The following NCOA2 variants were observed in gnomAD, a reference collection of about 807,000 sequenced individuals.
NCOA2 encodes class E basic helix-loop-helix protein 75.
In NCOA2, 21 loss-of-function variants were observed where a neutral mutation model predicts 145.1. The ratio of observed to expected loss-of-function variants is 0.14; its 90% CI spans 0.10 to 0.21. The LOEUF is 0.21. NCOA2 is among the 10% of genes least tolerant of loss of function. The pLI is 1.00. For synonymous variants in NCOA2, 619 were observed against 637.5 expected (o/e 0.97, Z 0.44); for missense variants, 1,472 against 1,837.6 (o/e 0.80, Z 3.64).
upstream of NCOA2, among the ~76,000 whole-genome samples, chr8:70,405,690 T>G (rs1464284030): frequency 6.7e-6 from 1 of 149,136 alleles, no homozygotes; most frequent in Non-Finnish European, 1.5e-5. Flanking sequence ...TAAATAAAAA[T>G]TTAAAAAAAA....
chr8:70,446,626 T>C, the NCOA2 span, among the ~76,000 whole-genome samples: 4 of 152,200 alleles, frequency 2.6e-5, no homozygotes. Context: ...TTTCCCTCCC[T>C]GCCTTTCCCC....
chr8:70,305,252 CCCTCAAAGACAG>C (rs896086657), intron 1 of NCOA2, among the ~76,000 whole-genome samples: 1 of 151,794 alleles, frequency 6.6e-6, no homozygotes, highest in Admixed American at 6.6e-5. Flanking sequence ...ACCTAAAGTA[CCCTCAAAGACAG>C]CCTCAGAGGA....
chr8:70,120,287 G>A (rs1169848724), intron 22 of NCOA2, among the ~76,000 whole-genome samples: 1 of 152,116 alleles, frequency 6.6e-6, no homozygotes, highest in Admixed American at 6.5e-5. Flanking sequence ...GGCCACATAG[G>A]CCCATTTATC....
chr8:70,193,204 A>G (rs183104039), intron 4 of NCOA2, among the ~76,000 whole-genome samples: 164 of 152,262 alleles, frequency 1.1e-3, no homozygotes, highest in Non-Finnish European at 1.5e-3. Context: ...TCAGAGCTAT[A>G]TGCACCACAT....
chr8:70,189,268 C>G (rs2133204308), intron 4 of NCOA2, among the ~76,000 whole-genome samples: 1 of 152,286 alleles, frequency 6.6e-6, no homozygotes, highest in East Asian at 1.9e-4. Context: ...CTTGGTTCAG[C>G]AGATGCCATT....
chr8:70,166,561 C>T lies in NCOA2; in HGVS notation c.730+5G>A. The T allele has an allele frequency of 6.2e-7, 1 of 1,613,906 alleles. No homozygotes were observed. Among genetic ancestry groups the T allele is most frequent in the Non-Finnish European group, 8.5e-7 (1 of 1,179,790 alleles). On this transcript the variant is annotated splice_donor_5th_base_variant and intron_variant, in intron 7 of 22. Coordinates refer to ENST00000452400, the MANE Select transcript of NCOA2 (RefSeq NM_006540.4). Reference sequence around the variant, plus strand: ...ACACAGAACACCCTAGGGATTCTGTCCCACCTTCTCCTTCTTCTTTGATGG... The same window carrying T: ...ACACAGAACACCCTAGGGATTCTGTTCCACCTTCTCCTTCTTCTTTGATGG...
chr8:70,425,353 T>C, the NCOA2 span, among the ~76,000 whole-genome samples: 2 of 152,150 alleles, frequency 1.3e-5, no homozygotes, highest in Non-Finnish European at 2.9e-5. Context: ...ATGAGTTCTT[T>C]AGTGGTGACT....
chr8:70,335,901 A>T (rs1792545011), intron 1 of NCOA2, among the ~76,000 whole-genome samples: 1 of 152,364 alleles, frequency 6.6e-6, no homozygotes, highest in African/African-American at 2.4e-5. Flanking sequence ...GGCAACTGCA[A>T]CAGAGTGGCA....
At chr8:70,266,945 T>C (rs190778547) in intron 2 of NCOA2, among the ~76,000 whole-genome samples, 57 of 152,320 alleles carry the variant, frequency 3.7e-4, no homozygotes, top group African/African-American at 1.3e-3. Flanking sequence ...ACGTAGTACT[T>C]TGTGTTTAGG....
At chr8:70,181,215 T>A (rs1815438718) in intron 4 of NCOA2, among the ~76,000 whole-genome samples, 1 of 152,208 alleles carries the variant, frequency 6.6e-6, no homozygotes, top group Non-Finnish European at 1.5e-5. Context: ...GTAATTGTTC[T>A]AACTCCAGCA....
chr8:70,317,822 G>C (rs1805728966), intron 1 of NCOA2, among the ~76,000 whole-genome samples: 1 of 152,114 alleles, frequency 6.6e-6, no homozygotes, highest in African/African-American at 2.4e-5. Flanking sequence ...CACTTTGGGA[G>C]GCCAAGGCAG....
chr8:70,371,330 A>C (rs1293134933), intron 1 of NCOA2, among the ~76,000 whole-genome samples: 4 of 152,062 alleles, frequency 2.6e-5, no homozygotes, highest in African/African-American at 2.4e-5. Flanking sequence ...TAACCACAAC[A>C]ATGTAAACGT....
intron 1 of NCOA2, among the ~76,000 whole-genome samples, chr8:70,313,638 T>G (rs1805307848): frequency 6.6e-6 from 1 of 152,178 alleles, no homozygotes; most frequent in African/African-American, 2.4e-5. Context: ...TGTTTAAAAC[T>G]GGAAGAATTA....
intron 1 of NCOA2, among the ~76,000 whole-genome samples, chr8:70,334,898 C>T (rs1233946547): frequency 2.0e-5 from 3 of 151,764 alleles, no homozygotes; most frequent in East Asian, 1.9e-4. Flanking sequence ...GCCGAGGTGG[C>T]GGATCACCTG....
intron 4 of NCOA2, among the ~76,000 whole-genome samples, chr8:70,196,658 T>TA (rs1335875530): frequency 2.0e-5 from 3 of 152,264 alleles, no homozygotes; most frequent in Non-Finnish European, 2.9e-5. Flanking sequence ...CAATATGTGT[T>TA]AAAACTACCT....
intron 11 of NCOA2, among the ~76,000 whole-genome samples, chr8:70,153,489 G>T (rs1378020914): frequency 6.6e-6 from 1 of 152,160 alleles, no homozygotes; most frequent in Non-Finnish European, 1.5e-5. Context: ...CCAAAGAGTG[G>T]CCCCTTTCCT....
chr8:70,384,240 C>A (rs566515928), intron 1 of NCOA2, among the ~76,000 whole-genome samples: 2 of 150,874 alleles, frequency 1.3e-5, no homozygotes, highest in African/African-American at 4.9e-5. Flanking sequence ...CATCTACTTA[C>A]AGGATTATAT....
intron 4 of NCOA2, 58 bp downstream of exon 4, chr8:70,213,845 A>C (rs1323617621): frequency 7.0e-7 from 1 of 1,420,276 alleles, no homozygotes; most frequent in African/African-American, 1.4e-5. Context: ...GGGACTTCTC[A>C]CACAGGGAAA....
At chr8:70,255,947 T>C (rs1823602573) in intron 2 of NCOA2, among the ~76,000 whole-genome samples, 4 of 152,214 alleles carry the variant, frequency 2.6e-5, no homozygotes, top group Non-Finnish European at 5.9e-5. Context: ...TCTGCTGACT[T>C]GAAGCTGCTA....
Sources: allele counts gnomAD v4.1 joint callset (sites outside exome capture counted in the v4.1 genomes callset), GRCh38; gene constraint gnomAD v4.1.1; transcripts MANE v1.5; gene names NCBI Gene and HGNC (gene_info 2026-07-23, HGNC 2026-07-21).